Variants in PLEKHG1 observed in about 807,000 individuals in gnomAD.
PLEKHG1 encodes the protein pleckstrin homology domain-containing family G member 1.
In PLEKHG1, 44 loss-of-function variants were observed where a neutral mutation model predicts 100.8. The ratio of observed to expected loss-of-function variants is 0.44; its 90% CI spans 0.34 to 0.56. The LOEUF (loss-of-function observed/expected upper bound fraction) is 0.56. Ranked by LOEUF, PLEKHG1 falls within the 20% of genes least tolerant of loss-of-function variation. The pLI, the probability that PLEKHG1 is intolerant of heterozygous loss-of-function variation, is 0.01. For missense variants in PLEKHG1, 1,545 were observed against 1,720.9 expected (o/e 0.90, Z 1.81); for synonymous variants, 640 against 662.5 (o/e 0.97, Z 0.52).
intron 1 of PLEKHG1, among the ~76,000 whole-genome samples, chr6:150,733,132 C>T (rs771316837): frequency 2.6e-5 from 4 of 152,136 alleles, no homozygotes; most frequent in Non-Finnish European, 4.4e-5. Flanking sequence ...GTAGGAATCA[C>T]GTCGGGTCCC....
At chr6:150,758,212 G>A (rs1009211606) in intron 2 of PLEKHG1, among the ~76,000 whole-genome samples, 1 of 152,054 alleles carries the variant, frequency 6.6e-6, no homozygotes, top group African/African-American at 2.4e-5. Flanking sequence ...GGGATTGCTG[G>A]GTCAAATGCT....
At chr6:150,615,699 A>C (rs868428248) in intron 1 of PLEKHG1, among the ~76,000 whole-genome samples, 2 of 152,234 alleles carry the variant, frequency 1.3e-5, no homozygotes, top group Non-Finnish European at 2.9e-5. Context: ...TGGAAATTCT[A>C]CCGAGGAATA....
At chr6:150,740,835 G>C (rs713294) in intron 2 of PLEKHG1, among the ~76,000 whole-genome samples, 101,393 of 152,078 alleles carry the variant, frequency 0.67, 34,647 homozygotes, top group Non-Finnish European at 0.74. Context: ...GGAGACAAAC[G>C]TGTTAGTTTT....
At chr6:150,793,796 AC>A (rs1195190462) in intron 4 of PLEKHG1, among the ~76,000 whole-genome samples, 2 of 152,158 alleles carry the variant, frequency 1.3e-5, no homozygotes, top group Non-Finnish European at 2.9e-5. Flanking sequence ...ATTAAATGAA[AC>A]CAGGCCAGGC....
chr6:150,830,577 C>T lies in PLEKHG1; in HGVS notation c.1471-5C>T, dbSNP rs372209180. ...ATTCAGTTGATATGTTTCCATCTTC[C>T]TCAGGTTTCTAGAGAGGAAGGATCT... is the stretch of plus-strand genomic sequence containing the variant. On this transcript the variant is annotated splice_polypyrimidine_tract_variant and splice_region_variant and intron_variant, in intron 14 of 15. Coordinates refer to ENST00000358517, the Ensembl canonical transcript of PLEKHG1. 50 of 1,571,816 alleles carry T rather than the reference C, an allele frequency of 3.2e-5. No homozygotes were observed. Among genetic ancestry groups the T allele is most frequent in the African/African-American group, 4.1e-5 (3 of 73,816 alleles).
intron 6 of PLEKHG1, among the ~76,000 whole-genome samples, chr6:150,802,882 G>C (rs746057027): frequency 2.0e-5 from 3 of 152,016 alleles, no homozygotes; most frequent in Non-Finnish European, 4.4e-5. Context: ...GGATGGTCTC[G>C]ATCTCTTGAC....
intron 3 of PLEKHG1, among the ~76,000 whole-genome samples, chr6:150,781,589 G>T (rs1182567772): frequency 6.6e-6 from 1 of 151,984 alleles, no homozygotes; most frequent in Non-Finnish European, 1.5e-5. Flanking sequence ...AAGAGCGCTG[G>T]CAGAGAGCTG....
chr6:150,730,463 C>T (rs778781149), intron 1 of PLEKHG1, among the ~76,000 whole-genome samples: 1 of 152,122 alleles, frequency 6.6e-6, no homozygotes, highest in Admixed American at 6.5e-5. Flanking sequence ...CAATAGGGCT[C>T]GTGCTCCTAT....
chr6:150,813,330 C>T (rs1179112918), intron 10 of PLEKHG1, among the ~76,000 whole-genome samples: 1 of 151,384 alleles, frequency 6.6e-6, no homozygotes, highest in African/African-American at 2.4e-5. Flanking sequence ...CAAAATGGAC[C>T]AGTCACTAGA....
intron 1 of PLEKHG1, among the ~76,000 whole-genome samples, chr6:150,724,108 G>A (rs1038231935): frequency 3.2e-4 from 48 of 152,216 alleles, no homozygotes; most frequent in African/African-American, 1.1e-3. Flanking sequence ...GCAAGGTTTT[G>A]CCTGTCTTTG....
intron 3 of PLEKHG1, among the ~76,000 whole-genome samples, chr6:150,714,376 A>G (rs79529986): frequency 0.032 from 4,840 of 152,346 alleles, 96 homozygotes; most frequent in South Asian, 0.062. Flanking sequence ...ATTGTCACAG[A>G]AGCAGAAAAA....
intron 2 of PLEKHG1, among the ~76,000 whole-genome samples, chr6:150,650,058 C>A (rs1307944380): frequency 2.4e-5 from 3 of 126,670 alleles, no homozygotes; most frequent in Non-Finnish European, 1.7e-5. Flanking sequence ...AACTTTGTCT[C>A]AAAAAAAAAA....
rs369162868 is a variant in PLEKHG1 at position 150,703,522 on chromosome 6, A to G, written c.-98-30062A>G. ...AGGCTGAGGCAGGAGAATCGCTTGA[A>G]TCCAGGAAGTGGAGGTTACAGTGAG... On this transcript the variant is annotated intron_variant, in intron 3 of 3. Coordinates refer to the PLEKHG1 transcript ENST00000367326. Among the ~76,000 whole-genome samples, 74 of 151,848 alleles carry G rather than the reference A, an allele frequency of 4.9e-4. 3 individuals carry two copies. The South Asian group carries it at 0.013, about 27-fold the overall frequency.
intron 2 of PLEKHG1, among the ~76,000 whole-genome samples, chr6:150,766,738 G>A (rs1784472506): frequency 6.6e-6 from 1 of 152,244 alleles, no homozygotes; most frequent in African/African-American, 2.4e-5. Flanking sequence ...TGTAACCCCA[G>A]ATGAAATTCT....
intron 1 of PLEKHG1, among the ~76,000 whole-genome samples, chr6:150,726,048 C>T (rs6557092): frequency 0.2 from 30,834 of 151,898 alleles, 4,580 homozygotes; most frequent in African/African-American, 0.41. Context: ...ACCACTCTTA[C>T]GAAGAATGTA....
intron 1 of PLEKHG1, among the ~76,000 whole-genome samples, chr6:150,619,439 G>A (rs935326135): frequency 6.6e-6 from 1 of 152,196 alleles, no homozygotes; most frequent in African/African-American, 2.4e-5. Flanking sequence ...ATCCAGCTCA[G>A]GAAACCAGTG....
At position 150,638,427 on chromosome 6, in the gene PLEKHG1, C is replaced by T. The variant is rs569461961; in HGVS notation, c.-158+302C>T. On this transcript the variant is annotated intron_variant, in intron 2 of 3. Transcript: ENST00000367326. ...AGAAGGTTCTGGAACACCACCCCTC[C>T]CCCTACCACTCAGCCAGAAGCTGAT... Among the ~76,000 whole-genome samples the T allele has an allele frequency of 1.9e-4, 29 of 152,302 alleles. 2 individuals carry two copies. Among genetic ancestry groups the T allele is most frequent in the Admixed American group, 1.4e-3 (21 of 15,298 alleles).
At chr6:150,692,284 G>C (rs1780373642) in intron 3 of PLEKHG1, among the ~76,000 whole-genome samples, 1 of 152,120 alleles carries the variant, frequency 6.6e-6, no homozygotes, top group Non-Finnish European at 1.5e-5. Flanking sequence ...ATAATTTACT[G>C]TATCTGTCAC....
rs1434344610 is a variant in PLEKHG1, at chr6:150,776,657, G to A, written c.512+7919G>A. Reference sequence around the variant, plus strand: ...TTACACTGATGCAATCCTGGTGCACGTGTGGTTGCACATTACTCACACTGA... The same window carrying A: ...TTACACTGATGCAATCCTGGTGCACATGTGGTTGCACATTACTCACACTGA... On this transcript the variant is annotated intron_variant, in intron 3 of 15. Coordinates refer to ENST00000358517, the Ensembl canonical transcript of PLEKHG1. Among the ~76,000 whole-genome samples, 5 of 114,224 alleles carry A rather than the reference G, an allele frequency of 4.4e-5. 1 individual carries two copies. Among genetic ancestry groups the A allele is most frequent in the East Asian group, 3.3e-4 (1 of 3,026 alleles). The allele number at this position is 114,224 out of a possible 152,430, so 74.9% of individuals were successfully genotyped here. A position where few individuals can be genotyped will look rare whatever the true frequency, so the allele number is the denominator to read the frequency against.
Sources: allele counts gnomAD v4.1 joint callset (sites outside exome capture counted in the v4.1 genomes callset), GRCh38; gene constraint gnomAD v4.1.1; transcripts MANE v1.5; gene names NCBI Gene and HGNC (gene_info 2026-07-23, HGNC 2026-07-21).